The following AOX1 variants were observed in gnomAD, a reference collection of about 807,000 sequenced individuals.
AOX1 encodes aldehyde oxidase 1.
In AOX1, 153 loss-of-function variants were observed where a neutral mutation model predicts 169.5. The observed-to-expected ratio is 0.90, with a 90% CI of 0.79 to 1.03. The LOEUF (loss-of-function observed/expected upper bound fraction) is 1.03. AOX1 is among the 50% of genes least tolerant of loss of function. The pLI is 0.00. For missense variants in AOX1, 1,656 were observed against 1,663.9 expected (o/e 1.00, Z 0.08); for synonymous variants, 562 against 581.9 (o/e 0.97, Z 0.49).
chr2:200,610,401 A>T (rs2034610886), intron 12 of AOX1, among the ~76,000 whole-genome samples: 1 of 152,220 alleles, frequency 6.6e-6, no homozygotes, highest in Admixed American at 6.5e-5. Flanking sequence ...GAAGATTTGC[A>T]TTCAGGGTTT....
chr2:200,607,945 C>A (rs547234396), intron 10 of AOX1, among the ~76,000 whole-genome samples: 3 of 152,230 alleles, frequency 2.0e-5, no homozygotes, highest in Admixed American at 6.5e-5. Flanking sequence ...GGAAGGGGAA[C>A]AACACATACC....
intron 31 of AOX1, among the ~76,000 whole-genome samples, chr2:200,665,783 GCTC>G (rs545432680): frequency 7.2e-5 from 11 of 152,304 alleles, no homozygotes; most frequent in African/African-American, 2.6e-4. Flanking sequence ...AGACTTTAGA[GCTC>G]CTCCTCTAAC....
rs1160900341 is a variant in AOX1, at chr2:200,604,729, G to T, written c.703G>T (p.Val235Leu). Residue 235 changes from valine (V) to leucine (L), a missense_variant, in exon 9 of 35, where the codon GTG (valine) becomes TTG (leucine). Physicochemically the swap from Val to Leu is conservative, Grantham distance 32. Coordinates refer to ENST00000374700, the MANE Select transcript of AOX1 (RefSeq NM_001159.4). The stretch of plus-strand genomic sequence containing the variant: ...TGAGAAACAGTCGCAAAGGACCAGG[G>T]TGTTTGGCAGTGAGAGAATGATGTG... ...MAEKQSQRTR[V>L]FGSERMMWFS... 1.1e-5 allele frequency: 18 copies of T among 1,614,018 alleles called. No homozygotes were observed. Among genetic ancestry groups the T allele is most frequent in the Non-Finnish European group, 1.4e-5 (16 of 1,180,002 alleles).
intron 25 of AOX1, among the ~76,000 whole-genome samples, chr2:200,646,218 G>A (rs1303238458): frequency 2.0e-5 from 3 of 152,024 alleles, no homozygotes; most frequent in African/African-American, 4.8e-5. Flanking sequence ...TTTCCTCTTA[G>A]CACCGCGTTT....
chr2:200,636,944 A>G lies in AOX1; in HGVS notation c.2380A>G (p.Asn794Asp). 1 of 1,614,104 alleles carries G rather than the reference A, an allele frequency of 6.2e-7. No individual in the cohort carries two copies. The highest frequency in any genetic ancestry group is 1.1e-5 in the South Asian group (1 of 91,078). ...IVASTLKLPA[N>D]KVMCHVRRVG... Reference sequence around the variant, plus strand: ...TGCCTCAACCTTGAAGCTCCCAGCTAACAAGGTCATGTGCCATGTAAGGCG... The same window carrying G: ...TGCCTCAACCTTGAAGCTCCCAGCTGACAAGGTCATGTGCCATGTAAGGCG... The change falls in exon 22 of 35, where the codon AAC becomes GAC. Residue 794 changes from asparagine to aspartate, a missense_variant. Coordinates refer to ENST00000374700, the MANE Select transcript of AOX1 (RefSeq NM_001159.4).
At position 200,616,070 on chromosome 2, in the gene AOX1, G is replaced by A. The variant is rs376131065; in HGVS notation, c.1704+7G>A. 1.8e-5 allele frequency: 28 copies of A among 1,599,534 alleles called. No individual in the cohort carries two copies. The highest frequency in any genetic ancestry group is 1.7e-4 in the Middle Eastern group (1 of 6,050). ...CAGTACATTAAAGTACCAGGTGAGCGGTATTTCTTGTTTTTAAAAATTCAC... is the reference window on the plus strand; with the variant it reads ...CAGTACATTAAAGTACCAGGTGAGCAGTATTTCTTGTTTTTAAAAATTCAC... On this transcript the variant is annotated splice_region_variant and intron_variant, in intron 16 of 34. Coordinates refer to ENST00000374700, the MANE Select transcript of AOX1 (RefSeq NM_001159.4).
intron 1 of AOX1, among the ~76,000 whole-genome samples, chr2:200,587,515 TTTC>T (rs1028829060): frequency 2.0e-5 from 3 of 152,186 alleles, no homozygotes; most frequent in Non-Finnish European, 1.5e-5. Context: ...CTGAGCCTAA[TTTC>T]ATTTGTGGTT....
intron 34 of AOX1, among the ~76,000 whole-genome samples, chr2:200,670,140 G>T (rs1041146832): frequency 6.6e-6 from 1 of 151,950 alleles, no homozygotes; most frequent in African/African-American, 2.4e-5. Context: ...AACCCCAAAC[G>T]GGCACCCGGA....
chr2:200,598,916 G>A (rs899951071), intron 4 of AOX1, among the ~76,000 whole-genome samples: 8 of 152,208 alleles, frequency 5.3e-5, no homozygotes, highest in Non-Finnish European at 8.8e-5. Context: ...CCCAGAGGGA[G>A]AGAATTTTGC....
At chr2:200,595,775 G>T (rs1433441497) in intron 3 of AOX1, among the ~76,000 whole-genome samples, 1 of 152,086 alleles carries the variant, frequency 6.6e-6, no homozygotes, top group Non-Finnish European at 1.5e-5. Flanking sequence ...TGAAATTGCA[G>T]TGGAGGATAA....
chr2:200,666,700 AC>A lies in AOX1; in HGVS notation c.3558del (p.Asp1186GlufsTer10). ...LTGDHKNIRT[D>X]IVMDVGCSIN... ...TTTTAATACTAGAACATCAGAACAG[AC>A]ATTGTCATGGATGTTGGCTGCAGTA... On this transcript the variant is annotated frameshift_variant, in exon 32 of 35. Transcript: ENST00000374700. LOFTEE classifies it high-confidence loss of function. The A allele has an allele frequency of 6.2e-7, 1 of 1,609,652 alleles. No individual in the cohort carries two copies. The highest frequency in any genetic ancestry group is 8.5e-7 in the Non-Finnish European group (1 of 1,178,594).
chr2:200,627,212 C>T, intron 19 of AOX1, 141 bp from the exon 20 acceptor site: 1 of 629,974 alleles, frequency 1.6e-6, no homozygotes, highest in Non-Finnish European at 2.8e-6. Flanking sequence ...CTTGGCTCAC[C>T]AGGGTCATGG....
At chr2:200,609,735 C>A (rs569013653) in intron 12 of AOX1, among the ~76,000 whole-genome samples, 1 of 152,248 alleles carries the variant, frequency 6.6e-6, no homozygotes, top group Non-Finnish European at 1.5e-5. Flanking sequence ...TATTGGGTCC[C>A]TTTGTTGAAG....
intron 25 of AOX1, among the ~76,000 whole-genome samples, chr2:200,643,074 T>A (rs1037016403): frequency 6.6e-6 from 1 of 151,954 alleles, no homozygotes; most frequent in Non-Finnish European, 1.5e-5. Context: ...TGGCTGGGGG[T>A]ATAACTGCTA....
intron 33 of AOX1, 87 bp downstream of exon 33, chr2:200,668,890 G>A: frequency 8.6e-7 from 1 of 1,156,086 alleles, no homozygotes; most frequent in Non-Finnish European, 1.2e-6. Context: ...TGGCTGTTTG[G>A]GATTTTTACC....
At chr2:200,652,788 G>A (rs578224638) in intron 26 of AOX1, among the ~76,000 whole-genome samples, 211 of 152,322 alleles carry the variant, frequency 1.4e-3, no homozygotes, top group Non-Finnish European at 1.8e-3. Flanking sequence ...AATATGGTGA[G>A]GTGCAGTGGC....
In AOX1 at chr2:200,676,995, G is replaced by A. The variant is rs116186723; in HGVS notation, c.*31G>A. Reference sequence around the variant, plus strand: ...CATTCCAAGGCGTCAGATGAACTTGGTTTGTTTGTATGTGAATGGAAGAAC... The same window carrying A: ...CATTCCAAGGCGTCAGATGAACTTGATTTGTTTGTATGTGAATGGAAGAAC... On this transcript the variant is annotated 3_prime_UTR_variant, in exon 5 of 5. Transcript: ENST00000439380. 3.4e-3 allele frequency: 1,575 copies of A among 465,340 alleles called. 21 individuals carry two copies. Among genetic ancestry groups the A allele is most frequent in the African/African-American group, 0.028 (1,369 of 49,722 alleles). 28.8% of individuals were successfully genotyped at this position (465,340 alleles called of 1,614,324 possible). A position where few individuals can be genotyped will look rare whatever the true frequency, so the allele number is the denominator to read the frequency against.
At position 200,621,276 on chromosome 2, in the gene AOX1, A is replaced by C. The variant is rs2034882092; in HGVS notation, c.2001+30A>C. 4 of 1,607,246 alleles carry C rather than the reference A, an allele frequency of 2.5e-6. No homozygotes were observed. The Admixed American group carries it at 6.8e-5, about 28-fold the overall frequency. ...TGCATTTTTGCTTTCTATTTGAAAAATAACTTTCTCAGTTAACGGTGCTTC... is the reference window on the plus strand; with the variant it reads ...TGCATTTTTGCTTTCTATTTGAAAACTAACTTTCTCAGTTAACGGTGCTTC... On this transcript the variant is annotated intron_variant, in intron 18 of 34. Transcript: ENST00000374700.
At chr2:200,586,177 GC>G in intron 1 of AOX1, 24 bp downstream of exon 1, 3 of 1,549,110 alleles carry the variant, frequency 1.9e-6, no homozygotes, top group Non-Finnish European at 1.7e-6. Context: ...GGCTTCCTCT[GC>G]CCCCAGACCT....
Sources: allele counts gnomAD v4.1 joint callset (sites outside exome capture counted in the v4.1 genomes callset), GRCh38; gene constraint gnomAD v4.1.1; transcripts MANE v1.5; gene names NCBI Gene and HGNC (gene_info 2026-07-23, HGNC 2026-07-21).